The following OXCT1 variants were observed in gnomAD, a reference collection of about 807,000 sequenced individuals.
OXCT1 encodes 3-oxoacid CoA-transferase 1.
OXCT1 carries 27 observed loss-of-function variants against 69.6 expected under a neutral mutation model. The observed-to-expected ratio is 0.39, with a 90% CI of 0.29 to 0.54. The LOEUF is 0.54. OXCT1 is among the 20% of genes least tolerant of loss of function. OXCT1 has a pLI of 0.72. For synonymous variants in OXCT1, 202 were observed against 217.8 expected (o/e 0.93, Z 0.64); for missense variants, 437 against 650.2 (o/e 0.67, Z 3.57).
intron 7 of OXCT1, among the ~76,000 whole-genome samples, chr5:41,826,959 C>T (rs1204291475): frequency 6.6e-6 from 1 of 152,058 alleles, no homozygotes; most frequent in African/African-American, 2.4e-5. Flanking sequence ...TCTACCTTTC[C>T]TCTATCCAAG....
chr5:41,818,098 G>T (rs1162183036), intron 7 of OXCT1, among the ~76,000 whole-genome samples: 1 of 152,196 alleles, frequency 6.6e-6, no homozygotes, highest in Admixed American at 6.5e-5. Flanking sequence ...TTAATGAGCA[G>T]CTATTATGTC....
chr5:41,810,220 C>A (rs1746900591), intron 7 of OXCT1, among the ~76,000 whole-genome samples: 1 of 151,752 alleles, frequency 6.6e-6, no homozygotes, highest in Admixed American at 6.6e-5. Flanking sequence ...TGAGATCAGG[C>A]GATTTAAACA....
At chr5:41,835,787 T>C (rs569261616) in intron 7 of OXCT1, among the ~76,000 whole-genome samples, 1 of 152,242 alleles carries the variant, frequency 6.6e-6, no homozygotes, top group African/African-American at 2.4e-5. Flanking sequence ...GTGAGGTTAT[T>C]TCAGTCACAG....
intron 15 of OXCT1, among the ~76,000 whole-genome samples, chr5:41,748,608 T>C (rs1274071116): frequency 6.6e-6 from 1 of 151,972 alleles, no homozygotes; most frequent in African/African-American, 2.4e-5. Context: ...ACATAAGTAG[T>C]CCTGGGGAAG....
chr5:41,784,530 G>A (rs1745557326), intron 13 of OXCT1, among the ~76,000 whole-genome samples: 1 of 152,148 alleles, frequency 6.6e-6, no homozygotes, highest in African/African-American at 2.4e-5. Flanking sequence ...AGGTTGTTTT[G>A]CTTCCATTCT....
At chr5:41,824,438 C>G (rs1747707896) in intron 7 of OXCT1, among the ~76,000 whole-genome samples, 3 of 152,188 alleles carry the variant, frequency 2.0e-5, no homozygotes, top group Admixed American at 6.5e-5. Flanking sequence ...GACCATTTCA[C>G]TGCCCCTATT....
At chr5:41,832,559 A>T (rs750352922) in intron 7 of OXCT1, among the ~76,000 whole-genome samples, 4 of 152,142 alleles carry the variant, frequency 2.6e-5, no homozygotes, top group Non-Finnish European at 5.9e-5. Context: ...CACTAACAAG[A>T]CAAGACCACA....
chr5:41,782,347 T>G lies in OXCT1; in HGVS notation c.1248+11656A>C, dbSNP rs146048961. 3.2e-3 allele frequency among the ~76,000 whole-genome samples: 490 copies of G among 152,106 alleles called. 1 individual carries two copies. Among genetic ancestry groups the G allele is most frequent in the African/African-American group, 0.011 (464 of 41,492 alleles). On this transcript the variant is annotated intron_variant, in intron 13 of 16. Coordinates refer to ENST00000196371, the MANE Select transcript of OXCT1 (RefSeq NM_000436.4). ...CTCCTGCCTCAGCCTTCCAAGAAGC[T>G]GAGATTACAGGTGCATGCCACCATG... is the stretch of plus-strand genomic sequence containing the variant.
chr5:41,842,210 C>A (rs193231093), intron 6 of OXCT1, among the ~76,000 whole-genome samples: 24 of 152,250 alleles, frequency 1.6e-4, no homozygotes, highest in Admixed American at 1.5e-3. Context: ...TCAGATAGAA[C>A]CTTTGTAAGC....
intron 3 of OXCT1, among the ~76,000 whole-genome samples, chr5:41,856,604 AGT>A (rs929792971): frequency 6.6e-6 from 1 of 152,140 alleles, no homozygotes; most frequent in Non-Finnish European, 1.5e-5. Context: ...AACACTTCAA[AGT>A]GTCTAGGTAA....
intron 7 of OXCT1, among the ~76,000 whole-genome samples, chr5:41,823,864 G>A (rs1747681260): frequency 6.6e-6 from 1 of 152,076 alleles, no homozygotes; most frequent in South Asian, 2.1e-4. Context: ...TCATTTTACA[G>A]CTTTTAGGAG....
chr5:41,776,916 C>T (rs2112162605), intron 13 of OXCT1, among the ~76,000 whole-genome samples: 1 of 152,192 alleles, frequency 6.6e-6, no homozygotes, highest in East Asian at 1.9e-4. Context: ...TGTTCTTTGA[C>T]CATATTGTTA....
At chr5:41,783,962 C>G (rs1203965661) in intron 13 of OXCT1, among the ~76,000 whole-genome samples, 1 of 152,174 alleles carries the variant, frequency 6.6e-6, no homozygotes, top group African/African-American at 2.4e-5. Flanking sequence ...TGGAGAAACT[C>G]TTTCACATTC....
At chr5:41,803,311 G>A (rs1274647400) in intron 9 of OXCT1, 148 bp from the exon 10 acceptor site, 1 of 572,028 alleles carries the variant, frequency 1.7e-6, no homozygotes, top group Non-Finnish European at 3.1e-6. Flanking sequence ...AATCACCCAT[G>A]GCGCATTATT....
At chr5:41,803,274 T>C in intron 9 of OXCT1, 111 bp from the exon 10 acceptor site, 1 of 711,694 alleles carries the variant, frequency 1.4e-6, no homozygotes, top group Non-Finnish European at 2.5e-6. Context: ...TGGCTTACTC[T>C]GAATGTAATA....
chr5:41,796,726 T>C (rs1441964317), intron 11 of OXCT1, among the ~76,000 whole-genome samples: 1 of 152,162 alleles, frequency 6.6e-6, no homozygotes, highest in Non-Finnish European at 1.5e-5. Flanking sequence ...TACTTCCTGG[T>C]ATGGTTAGCA....
Position 41,739,682 on chromosome 5 carries a change from G to T in OXCT1, c.1420-191C>A, listed in dbSNP as rs538076608. The T allele has an allele frequency of 1.9e-3, 986 of 508,110 alleles. 3 individuals carry two copies. Among genetic ancestry groups the T allele is most frequent in the Non-Finnish European group, 2.2e-3 (618 of 277,466 alleles). 31.5% of individuals were successfully genotyped at this position (508,110 alleles called of 1,614,324 possible). A position where few individuals can be genotyped will look rare whatever the true frequency, so the allele number is the denominator to read the frequency against. The stretch of plus-strand genomic sequence containing the variant: ...AGATCGAGACCATCCTGGCTAACAC[G>T]GTGAAACCCCGTCTCTACTAAAAAT... On this transcript the variant is annotated intron_variant, in intron 15 of 16. Transcript: ENST00000196371.
chr5:41,772,249 C>T (rs1161548773), intron 13 of OXCT1, among the ~76,000 whole-genome samples: 2 of 151,826 alleles, frequency 1.3e-5, no homozygotes, highest in Admixed American at 6.6e-5. Context: ...GAACCATGGG[C>T]AGCACATACT....
At chr5:41,739,587 CG>C in intron 15 of OXCT1, 96 bp from the exon 16 acceptor site, 1 of 918,864 alleles carries the variant, frequency 1.1e-6, no homozygotes, top group Non-Finnish European at 1.8e-6. Flanking sequence ...TCGACGAGGT[CG>C]GGTGTGGTGG....
Sources: gnomAD v4.1 joint callset for allele counts (sites outside exome capture counted in the v4.1 genomes callset) on GRCh38, gnomAD v4.1.1 for gene constraint, MANE v1.5 for transcripts, NCBI Gene and HGNC (gene_info 2026-07-23, HGNC 2026-07-21) for gene names.